EAPP: variants seen among roughly 807,000 people sequenced by gnomAD.
EAPP encodes E2F associated phosphoprotein, also known as E2F-associated phosphoprotein.
Under a neutral mutation model 34.3 loss-of-function variants are expected in EAPP, and 38 were observed. That is an observed-to-expected ratio of 1.11 (90% confidence interval 0.85 to 1.45). The LOEUF (loss-of-function observed/expected upper bound fraction) is 1.45. EAPP is among the 40% of genes most tolerant of loss of function. The probability of loss-of-function intolerance (pLI) is 0.00; values close to 1 mark genes in which losing one functional copy is unlikely to be tolerated. For missense variants in EAPP, 338 were observed against 343.7 expected, an observed-to-expected ratio of 0.98 and a Z score of 0.13; for synonymous variants, 113 against 117.6, an observed-to-expected ratio of 0.96 and a Z score of 0.25.
chr14:34,539,323 C>T lies in EAPP; in HGVS notation c.74+232G>A, dbSNP rs570143498. The T allele has an allele frequency of 7.7e-4, 525 of 683,862 alleles. 1 individual carries two copies. Among genetic ancestry groups the T allele is most frequent in the Non-Finnish European group, 8.9e-4 (329 of 371,182 alleles). The allele number at this position is 683,862 out of a possible 1,614,324, so 42.4% of individuals were successfully genotyped here. A position where few individuals can be genotyped will look rare whatever the true frequency, so the allele number is the denominator to read the frequency against. On this transcript the variant is annotated intron_variant, in intron 1 of 5. Transcript: ENST00000250454. ...CTCATTGCTTTTGAAGATTTACACG[C>T]GGTCCCCCGTGATTCCGGAATATCC...
intron 5 of EAPP, among the ~76,000 whole-genome samples, chr14:34,522,843 AG>A (rs1879962922): frequency 6.6e-6 from 1 of 152,092 alleles, no homozygotes; most frequent in Non-Finnish European, 1.5e-5. Context: ...GGCTATCCTC[AG>A]GGATATTTTT....
chr14:34,539,461 G>A (rs747284917), intron 1 of EAPP, 94 bp downstream of exon 1: 3 of 1,356,924 alleles, frequency 2.2e-6, no homozygotes, highest in Non-Finnish European at 3.1e-6. Flanking sequence ...GAGCCGCTAG[G>A]GTCTGCGTAG....
chr14:34,539,356 T>C (rs1346898822), intron 1 of EAPP, 199 bp downstream of exon 1: 1 of 704,742 alleles, frequency 1.4e-6, no homozygotes, highest in South Asian at 1.5e-5. Context: ...TCCCTCTTCC[T>C]ACAGGCGACA....
chr14:34,533,501 T>C lies in EAPP; in HGVS notation c.295A>G (p.Thr99Ala). ...SGNGKVATAP[T>A]RYYDDIYFDS... ...AAATATATATCATCGTAGTACCTTG[T>C]CGGAGCTGTTGCAACTTTTCCATTT... Residue 99 changes from threonine to alanine, a missense_variant, in exon 3 of 6, where the codon ACA becomes GCA. Coordinates refer to ENST00000250454, the MANE Select transcript of EAPP (RefSeq NM_018453.4). The C allele has an allele frequency of 6.2e-7, 1 of 1,600,192 alleles. No individual in the cohort carries two copies. Among genetic ancestry groups the C allele is most frequent in the East Asian group, 2.3e-5 (1 of 44,218 alleles).
intron 4 of EAPP, among the ~76,000 whole-genome samples, chr14:34,526,901 T>C (rs995996469): frequency 6.7e-6 from 1 of 150,044 alleles, no homozygotes; most frequent in Non-Finnish European, 1.5e-5. Context: ...CCGGGTGCGG[T>C]GGCTCATGCC....
chr14:34,527,349 G>T (rs534124383), intron 4 of EAPP, among the ~76,000 whole-genome samples: 1 of 152,118 alleles, frequency 6.6e-6, no homozygotes, highest in Non-Finnish European at 1.5e-5. Flanking sequence ...TATAGTCCCA[G>T]CTACTCAGAA....
Position 34,535,683 on chromosome 14 carries a change from C to T in EAPP, c.256+411G>A, listed in dbSNP as rs542078726. 5.3e-5 allele frequency among the ~76,000 whole-genome samples: 8 copies of T among 152,092 alleles called. No individual in the cohort carries two copies. The East Asian group carries it at 9.7e-4, about 18-fold the overall frequency. On this transcript the variant is annotated intron_variant, in intron 2 of 5. Coordinates refer to ENST00000250454, the MANE Select transcript of EAPP (RefSeq NM_018453.4). ...TCCTGACCTCGTGATCCGCCCGCCT[C>T]GGCCTCCCAAAGTGCTAGGATTACA... is the stretch of plus-strand genomic sequence containing the variant.
At chr14:34,529,088 A>C (rs1880191298) in intron 4 of EAPP, among the ~76,000 whole-genome samples, 1 of 152,100 alleles carries the variant, frequency 6.6e-6, no homozygotes, top group Non-Finnish European at 1.5e-5. Context: ...GTGAGCCAAG[A>C]TCGCGCCACT....
intron 5 of EAPP, among the ~76,000 whole-genome samples, chr14:34,520,937 T>C (rs957480387): frequency 2.6e-5 from 4 of 152,176 alleles, no homozygotes; most frequent in Non-Finnish European, 5.9e-5. Context: ...CCTCTCTTTG[T>C]CCATAACCTT....
chr14:34,528,570 C>A (rs952426683), intron 4 of EAPP, among the ~76,000 whole-genome samples: 1 of 150,830 alleles, frequency 6.6e-6, no homozygotes, highest in African/African-American at 2.4e-5. Flanking sequence ...TACAGGTGTG[C>A]GCCACTATGG....
At chr14:34,524,068 C>T (rs1262648659) in intron 5 of EAPP, among the ~76,000 whole-genome samples, 1 of 151,522 alleles carries the variant, frequency 6.6e-6, no homozygotes, top group Non-Finnish European at 1.5e-5. Context: ...CCAACCTGGC[C>T]AACATGGTGT....
intron 4 of EAPP, among the ~76,000 whole-genome samples, chr14:34,525,038 T>C (rs935297589): frequency 1.3e-5 from 2 of 152,074 alleles, no homozygotes; most frequent in African/African-American, 4.8e-5. Context: ...AGGAGCCAAC[T>C]GAACAAGTCA....
In EAPP at chr14:34,516,481, C is replaced by A. The variant is rs374807491; in HGVS notation, c.687G>T (p.Arg229Ser). The A allele has an allele frequency of 8.1e-6, 13 of 1,614,156 alleles. No homozygotes were observed. Among genetic ancestry groups the A allele is most frequent in the Middle Eastern group, 1.6e-4 (1 of 6,062 alleles). ...RYKASENRKKRRVHKKMRSNR... is the reference protein window; with the variant it reads ...RYKASENRKKSRVHKKMRSNR... ...TAGACCTCATCTTCTTATGGACCCG[C>A]CTTTTCTTCCTGTTCTCTGAGGCTT... is the stretch of plus-strand genomic sequence containing the variant. Residue 229 changes from arginine (R) to serine (S), a missense_variant, in exon 6 of 6, where the codon AGG (arginine) becomes AGT (serine). Transcript: ENST00000250454.
Position 34,539,677 on chromosome 14 carries a change from T to C in EAPP, c.-49A>G, listed in dbSNP as rs367941590. ...GTCCACAAGCAATTTGCAGCGTCTC[T>C]GTTTACACTGCAAGTCCAGTCCCTA... On this transcript the variant is annotated 5_prime_UTR_variant, in exon 1 of 6. Coordinates refer to ENST00000250454, the MANE Select transcript of EAPP (RefSeq NM_018453.4). 4 of 1,488,428 alleles carry C rather than the reference T, an allele frequency of 2.7e-6. No homozygotes were observed. The African/African-American group carries it at 4.2e-5, about 16-fold the overall frequency. The allele number at this position is 1,488,428 out of a possible 1,614,324, so 92.2% of individuals were successfully genotyped here.
rs770642598 is a variant in EAPP at position 34,529,387 on chromosome 14, ATC to A, written c.439_440del (p.Asp147SerfsTer5). ...LLYDPEKDNR[D>X]QAWVDAQRRG... ...TTCTCTGTGCATCAACCCAGGCCTG[ATC>A]TCTGTTATCTTTTTCAGGATCATAC... On this transcript the variant is annotated frameshift_variant, in exon 4 of 6. Transcript: ENST00000250454. LOFTEE classifies it high-confidence loss of function. The A allele has an allele frequency of 6.2e-7, 1 of 1,612,724 alleles. No homozygotes were observed. Among genetic ancestry groups the A allele is most frequent in the South Asian group, 1.1e-5 (1 of 90,968 alleles).
chr14:34,532,075 C>CAAAA (rs757235021), intron 3 of EAPP, among the ~76,000 whole-genome samples: 2 of 67,042 alleles, frequency 3.0e-5, no homozygotes, highest in Middle Eastern at 0.018. Context: ...GACTCCGTCT[C>CAAAA]AAAAAAAAAA....
chr14:34,522,074 TC>T (rs1397493031), intron 5 of EAPP, among the ~76,000 whole-genome samples: 1 of 152,094 alleles, frequency 6.6e-6, no homozygotes, highest in Non-Finnish European at 1.5e-5. Flanking sequence ...TCTTCCCACC[TC>T]AGCCTCCAAA....
rs148747447 is a variant in EAPP at position 34,527,654 on chromosome 14, A to G, written c.470+1704T>C. 8.9e-4 allele frequency among the ~76,000 whole-genome samples: 136 copies of G among 152,334 alleles called. No homozygotes were observed. In the East Asian group the frequency reaches 0.025, roughly 28 times the overall value. ...AAGTAGAGAAGTACTGACATGTGCTAAAATGTAGATGAACTTCAAAAGCAC... is the reference window on the plus strand; with the variant it reads ...AAGTAGAGAAGTACTGACATGTGCTGAAATGTAGATGAACTTCAAAAGCAC... On this transcript the variant is annotated intron_variant, in intron 4 of 5. Transcript: ENST00000250454.
intron 3 of EAPP, among the ~76,000 whole-genome samples, chr14:34,531,848 G>A (rs1880302961): frequency 6.6e-6 from 1 of 151,732 alleles, no homozygotes; most frequent in Non-Finnish European, 1.5e-5. Context: ...AGGCCGAGGT[G>A]GGTGGATCAC....
Sources: allele counts gnomAD v4.1 joint callset (sites outside exome capture counted in the v4.1 genomes callset), GRCh38; gene constraint gnomAD v4.1.1; transcripts MANE v1.5; gene names NCBI Gene and HGNC (gene_info 2026-07-23, HGNC 2026-07-21).